Variants in LRMDA observed in about 807,000 individuals in gnomAD.
LRMDA encodes leucine rich melanocyte differentiation associated.
A neutral mutation model predicts 29.8 loss-of-function variants in LRMDA; 18 were observed. The observed-to-expected ratio is 0.60, with a 90% CI of 0.42 to 0.90. The LOEUF (loss-of-function observed/expected upper bound fraction) is 0.90. Ranked by LOEUF, LRMDA falls within the 40% of genes least tolerant of loss-of-function variation. The pLI is 0.00. For missense variants in LRMDA, 273 were observed against 273.9 expected, an observed-to-expected ratio of 1.00 and a Z score of 0.02; for synonymous variants, 125 against 109.4, an observed-to-expected ratio of 1.14 and a Z score of -0.89.
At chr10:75,836,335 G>A (rs1209708163) in intron 2 of LRMDA, among the ~76,000 whole-genome samples, 4 of 152,154 alleles carry the variant, frequency 2.6e-5, no homozygotes, top group Non-Finnish European at 5.9e-5. Context: ...AGCAAACCAG[G>A]GAAATCAACT....
intron 2 of LRMDA, among the ~76,000 whole-genome samples, chr10:75,752,034 A>AATATATATAT (rs372192307): frequency 4.7e-5 from 7 of 148,662 alleles, no homozygotes; most frequent in African/African-American, 1.5e-4. Flanking sequence ...AAAATAAATA[A>AATATATATAT]ATATATATAT....
At chr10:76,111,458 T>C (rs1049212014) in intron 5 of LRMDA, among the ~76,000 whole-genome samples, 1 of 152,218 alleles carries the variant, frequency 6.6e-6, no homozygotes, top group African/African-American at 2.4e-5. Flanking sequence ...CCACCACACC[T>C]AAATGTTCAA....
At chr10:75,869,991 T>C (rs1845081865) in intron 2 of LRMDA, among the ~76,000 whole-genome samples, 1 of 152,246 alleles carries the variant, frequency 6.6e-6, no homozygotes, top group Non-Finnish European at 1.5e-5. Context: ...CCCCTCTTGC[T>C]GCTTCGTTTA....
chr10:76,354,477 T>C (rs1263371463), intron 6 of LRMDA, among the ~76,000 whole-genome samples: 1 of 152,166 alleles, frequency 6.6e-6, no homozygotes, highest in Non-Finnish European at 1.5e-5. Context: ...TCACTTGGTA[T>C]TGGCCAAGAG....
intron 2 of LRMDA, among the ~76,000 whole-genome samples, chr10:75,560,861 G>T (rs978680137): frequency 6.6e-6 from 1 of 152,136 alleles, no homozygotes; most frequent in Non-Finnish European, 1.5e-5. Context: ...TATTGAACCA[G>T]CCTTGCATCC....
At chr10:75,702,523 A>C (rs1232685464) in intron 2 of LRMDA, among the ~76,000 whole-genome samples, 3 of 152,096 alleles carry the variant, frequency 2.0e-5, no homozygotes, top group African/African-American at 4.8e-5. Flanking sequence ...TACCCTATTC[A>C]GTGAAGCCCA....
chr10:75,734,996 G>A (rs191932934), intron 2 of LRMDA, among the ~76,000 whole-genome samples: 19 of 152,088 alleles, frequency 1.2e-4, no homozygotes, highest in Non-Finnish European at 4.4e-5. Flanking sequence ...TTTAGCATTC[G>A]CTCTAATTTA....
chr10:75,990,018 C>T (rs1469872040), intron 2 of LRMDA, among the ~76,000 whole-genome samples: 6 of 152,102 alleles, frequency 3.9e-5, no homozygotes, highest in Middle Eastern at 3.2e-3. Context: ...TAGAGGTCTC[C>T]GGCCTTGATA....
chr10:75,476,420 T>A lies in LRMDA; in HGVS notation c.131+37926T>A, dbSNP rs1482343695. ...ATCTAATTCCTCCTTAAATTTGTTC[T>A]TGTCTCCTTTATCTCAGTTAGTGGT... On this transcript the variant is annotated intron_variant, in intron 2 of 6. Transcript: ENST00000611255. Among the ~76,000 whole-genome samples, 4 of 152,154 alleles carry A rather than the reference T, an allele frequency of 2.6e-5. No homozygotes were observed. In the East Asian group the frequency reaches 7.7e-4, roughly 29 times the overall value.
At chr10:75,857,593 A>G (rs1413835022) in intron 2 of LRMDA, among the ~76,000 whole-genome samples, 4 of 152,184 alleles carry the variant, frequency 2.6e-5, no homozygotes, top group African/African-American at 9.6e-5. Context: ...TGCCTTTCAC[A>G]TGTAATATAA....
At chr10:76,511,090 G>A (rs1300224320) in intron 6 of LRMDA, among the ~76,000 whole-genome samples, 1 of 152,072 alleles carries the variant, frequency 6.6e-6, no homozygotes, top group African/African-American at 2.4e-5. Context: ...TAAGAAGGTG[G>A]GATCAATATC....
intron 2 of LRMDA, among the ~76,000 whole-genome samples, chr10:75,944,913 C>T (rs1846452409): frequency 6.6e-6 from 1 of 151,894 alleles, no homozygotes; most frequent in South Asian, 2.1e-4. Flanking sequence ...CTTGTTCATG[C>T]TTATTACAGC....
At chr10:75,639,661 C>G (rs1266316424) in intron 2 of LRMDA, among the ~76,000 whole-genome samples, 2 of 152,196 alleles carry the variant, frequency 1.3e-5, no homozygotes, top group Admixed American at 6.5e-5. Flanking sequence ...CCCTCCCGCC[C>G]TGTGCTTCAG....
intron 2 of LRMDA, among the ~76,000 whole-genome samples, chr10:75,470,105 G>A (rs1291089687): frequency 6.6e-6 from 1 of 152,186 alleles, no homozygotes; most frequent in African/African-American, 2.4e-5. Flanking sequence ...CATCAACATG[G>A]TTTGAGGACC....
chr10:75,942,209 G>T (rs1354675697), intron 2 of LRMDA, among the ~76,000 whole-genome samples: 1 of 152,068 alleles, frequency 6.6e-6, no homozygotes. Context: ...TCATACAAAT[G>T]TGGTGATGTG....
At chr10:76,094,573 G>C (rs1169096294) in intron 5 of LRMDA, among the ~76,000 whole-genome samples, 5 of 151,786 alleles carry the variant, frequency 3.3e-5, no homozygotes, top group Admixed American at 1.3e-4. Context: ...CATTATTCCA[G>C]GAAATTATCT....
At chr10:76,260,558 T>C (rs183352060) in intron 5 of LRMDA, among the ~76,000 whole-genome samples, 2 of 152,308 alleles carry the variant, frequency 1.3e-5, no homozygotes, top group East Asian at 3.9e-4. Flanking sequence ...CCATTATTAA[T>C]GTAATGAGAG....
chr10:76,157,538 C>T (rs1345211813), intron 5 of LRMDA, among the ~76,000 whole-genome samples: 2 of 151,850 alleles, frequency 1.3e-5, no homozygotes, highest in East Asian at 3.9e-4. Context: ...TGCTTGAGCC[C>T]AGGAGTTCAA....
chr10:76,442,334 A>G (rs1842312176), intron 6 of LRMDA, among the ~76,000 whole-genome samples: 1 of 152,148 alleles, frequency 6.6e-6, no homozygotes. Flanking sequence ...ACATTTGCAT[A>G]TTTTCTCACA....
Sources: gnomAD v4.1 joint callset for allele counts (sites outside exome capture counted in the v4.1 genomes callset) on GRCh38, gnomAD v4.1.1 for gene constraint, MANE v1.5 for transcripts, NCBI Gene and HGNC (gene_info 2026-07-23, HGNC 2026-07-21) for gene names.